Variants in MTHFD1L observed in about 807,000 individuals in gnomAD.
MTHFD1L encodes the protein monofunctional C1-tetrahydrofolate synthase, mitochondrial.
In MTHFD1L, 81 loss-of-function variants were observed where a neutral mutation model predicts 119.5. That is an observed-to-expected ratio of 0.68 (90% CI 0.57 to 0.82). The LOEUF (loss-of-function observed/expected upper bound fraction) is 0.82. MTHFD1L is among the 40% of genes least tolerant of loss of function. MTHFD1L has a pLI of 0.00. For synonymous variants in MTHFD1L, 430 were observed against 475.2 expected, an observed-to-expected ratio of 0.90 and a Z score of 1.24; for missense variants, 1,125 against 1,253.4, an observed-to-expected ratio of 0.90 and a Z score of 1.55.
chr6:151,069,280 T>TCTCTCC (rs1465486987), intron 26 of MTHFD1L, among the ~76,000 whole-genome samples: 12 of 148,082 alleles, frequency 8.1e-5, no homozygotes, highest in East Asian at 6.0e-4. Context: ...TCTCTCTCTC[T>TCTCTCC]CCCTCCCTCT....
chr6:150,931,978 A>G (rs773951786), intron 11 of MTHFD1L, among the ~76,000 whole-genome samples: 8 of 151,970 alleles, frequency 5.3e-5, no homozygotes, highest in Non-Finnish European at 1.5e-5. Flanking sequence ...CCTGGCCAAC[A>G]TGGTGAAACC....
Position 150,998,034 on chromosome 6 carries a change from A to G in MTHFD1L, c.2126-11785A>G, listed in dbSNP as rs551814900. Reference sequence around the variant, plus strand: ...TCTTGAATGTTTAACTGAAATCCAGAGCAGCAATTGCATTTTATATGACAC... The same window carrying G: ...TCTTGAATGTTTAACTGAAATCCAGGGCAGCAATTGCATTTTATATGACAC... On this transcript the variant is annotated intron_variant, in intron 20 of 27. Transcript: ENST00000367321. 4.6e-5 allele frequency among the ~76,000 whole-genome samples: 7 copies of G among 152,362 alleles called. No individual in the cohort carries two copies. The East Asian group carries it at 1.2e-3, about 25-fold the overall frequency.
chr6:150,907,723 G>A (rs1286160078), intron 8 of MTHFD1L, among the ~76,000 whole-genome samples: 1 of 152,060 alleles, frequency 6.6e-6, no homozygotes, highest in Non-Finnish European at 1.5e-5. Context: ...ATCATAAAGT[G>A]GAAAAATAGT....
intron 14 of MTHFD1L, 77 bp downstream of exon 14, chr6:150,944,670 A>T: frequency 9.5e-7 from 1 of 1,057,820 alleles, no homozygotes; most frequent in Non-Finnish European, 1.4e-6. Flanking sequence ...TTGTGGAAAG[A>T]ATTCTGGTGT....
intron 10 of MTHFD1L, among the ~76,000 whole-genome samples, chr6:150,923,981 T>C (rs1031561887): frequency 1.3e-5 from 2 of 152,210 alleles, no homozygotes; most frequent in African/African-American, 4.8e-5. Flanking sequence ...CAATAATTTC[T>C]ACTTACAAAG....
intron 27 of MTHFD1L, among the ~76,000 whole-genome samples, chr6:151,101,322 A>G (rs1795352442): frequency 6.6e-6 from 1 of 152,140 alleles, no homozygotes. Context: ...GCCTGCTCTT[A>G]TAGAGTGGTG....
At chr6:150,873,437 GA>G (rs907484318) in intron 1 of MTHFD1L, among the ~76,000 whole-genome samples, 7 of 151,980 alleles carry the variant, frequency 4.6e-5, no homozygotes, top group Non-Finnish European at 7.4e-5. Flanking sequence ...TTGGGGCACA[GA>G]AAAAAACAAA....
intron 11 of MTHFD1L, among the ~76,000 whole-genome samples, chr6:150,930,162 T>C (rs1267529839): frequency 8.3e-6 from 1 of 120,832 alleles, no homozygotes; most frequent in Non-Finnish European, 1.6e-5. Flanking sequence ...CCAATTACTC[T>C]GGAGACTGTG....
chr6:150,980,548 G>A (rs1462013602), intron 20 of MTHFD1L, among the ~76,000 whole-genome samples: 1 of 152,052 alleles, frequency 6.6e-6, no homozygotes, highest in African/African-American at 2.4e-5. Flanking sequence ...ATCTTAACAT[G>A]TCGCTGTGTG....
At chr6:151,016,674 T>C (rs976682796) in intron 24 of MTHFD1L, 1 of 186,082 alleles carries the variant, frequency 5.4e-6, no homozygotes, top group East Asian at 1.7e-4. Flanking sequence ...TATTGAACTA[T>C]GTCTAGTGTA....
intron 10 of MTHFD1L, 41 bp downstream of exon 10, chr6:150,922,343 C>T (rs1307090911): frequency 1.3e-6 from 2 of 1,535,200 alleles, no homozygotes; most frequent in African/African-American, 1.4e-5. Flanking sequence ...CAGCTCAGCA[C>T]AGTGCCTTAG....
At chr6:150,969,047 C>T (rs1797655647) in intron 19 of MTHFD1L, among the ~76,000 whole-genome samples, 1 of 151,910 alleles carries the variant, frequency 6.6e-6, no homozygotes, top group East Asian at 1.9e-4. Context: ...CAGGGTTTTA[C>T]CATGTTGGCC....
chr6:150,969,287 A>C (rs146485672), intron 19 of MTHFD1L, among the ~76,000 whole-genome samples: 1 of 152,186 alleles, frequency 6.6e-6, no homozygotes, highest in Non-Finnish European at 1.5e-5. Flanking sequence ...CGGCCTGAGC[A>C]CTTTTTAAAA....
chr6:150,917,456 C>T (rs1429604342), intron 8 of MTHFD1L, among the ~76,000 whole-genome samples: 1 of 151,844 alleles, frequency 6.6e-6, no homozygotes, highest in African/African-American at 2.4e-5. Context: ...TGCCATTGCA[C>T]TCCAGCCTGG....
chr6:151,086,789 C>G (rs1267273586), intron 26 of MTHFD1L, among the ~76,000 whole-genome samples: 3 of 152,278 alleles, frequency 2.0e-5, no homozygotes, highest in Admixed American at 2.0e-4. Context: ...CTGAGCCTCT[C>G]AAAGTGTCAG....
chr6:151,037,912 A>G (rs76655166), intron 26 of MTHFD1L, among the ~76,000 whole-genome samples: 3,825 of 152,266 alleles, frequency 0.025, 108 homozygotes, highest in Admixed American at 0.092. Context: ...AAAATATTCT[A>G]ACCCATCATT....
chr6:150,946,165 T>G (rs1376438496), intron 15 of MTHFD1L, among the ~76,000 whole-genome samples: 1 of 152,202 alleles, frequency 6.6e-6, no homozygotes, highest in Non-Finnish European at 1.5e-5. Flanking sequence ...GTTTTGTTTT[T>G]TGAGACAGAG....
intron 27 of MTHFD1L, chr6:151,099,540 A>T: frequency 2.5e-6 from 4 of 1,602,080 alleles, no homozygotes; most frequent in Non-Finnish European, 3.4e-6. Flanking sequence ...CCGCCCTCAG[A>T]CCCCTTGTGA....
intron 1 of MTHFD1L, among the ~76,000 whole-genome samples, chr6:150,873,573 G>A (rs1779904362): frequency 1.3e-5 from 2 of 152,086 alleles, no homozygotes; most frequent in African/African-American, 2.4e-5. Context: ...ATCCTGGGCC[G>A]TATTTCCACT....
Sources: gnomAD v4.1 joint callset for allele counts (sites outside exome capture counted in the v4.1 genomes callset) on GRCh38, gnomAD v4.1.1 for gene constraint, MANE v1.5 for transcripts, NCBI Gene and HGNC (gene_info 2026-07-23, HGNC 2026-07-21) for gene names.